Variants in PIBF1 observed in about 807,000 individuals in gnomAD.
PIBF1 encodes the protein progesterone immunomodulatory binding factor 1.
Under a neutral mutation model 112.5 loss-of-function variants are expected in PIBF1, and 90 were observed. The ratio of observed to expected loss-of-function variants is 0.80; its 90% CI spans 0.67 to 0.95. The LOEUF (loss-of-function observed/expected upper bound fraction) is 0.95, where lower values mean the gene tolerates loss of function less well. Among genes scored for constraint, PIBF1 ranks in the 40% least tolerant of loss-of-function variants. The probability of loss-of-function intolerance (pLI) is 0.00; values close to 1 mark genes in which losing one functional copy is unlikely to be tolerated. For missense variants in PIBF1, 915 were observed against 852.3 expected (o/e 1.07, Z -0.92); for synonymous variants, 301 against 288.6 (o/e 1.04, Z -0.44).
chr13:73,015,284 G>C (rs899693265), intron 17 of PIBF1, among the ~76,000 whole-genome samples: 14 of 152,152 alleles, frequency 9.2e-5, no homozygotes, highest in East Asian at 1.9e-4. Flanking sequence ...GAGCCACCGC[G>C]CCCAGCCAAA....
chr13:72,992,442 G>T (rs2139006651), intron 16 of PIBF1, among the ~76,000 whole-genome samples: 1 of 152,272 alleles, frequency 6.6e-6, no homozygotes, highest in East Asian at 1.9e-4. Flanking sequence ...TGAGAAGGGA[G>T]CTTCCTTTCT....
intron 15 of PIBF1, among the ~76,000 whole-genome samples, chr13:72,965,630 C>A (rs2042721185): frequency 6.6e-6 from 1 of 152,212 alleles, no homozygotes; most frequent in South Asian, 2.1e-4. Flanking sequence ...CAATGTTACA[C>A]TTATGAGCAT....
At chr13:72,937,199 A>G (rs1260656955) in intron 14 of PIBF1, among the ~76,000 whole-genome samples, 2 of 151,944 alleles carry the variant, frequency 1.3e-5, no homozygotes, top group Admixed American at 6.6e-5. Context: ...CATCTTGCTA[A>G]TGTTTTCTGT....
rs1000414102 is a variant in PIBF1, at chr13:72,811,891, C to T, written c.673-9958C>T. ...GCTAAAATGAATGCAATTTTAAGTA[C>T]GACATAATTGGGAAGAAGTTTCATT... On this transcript the variant is annotated intron_variant, in intron 5 of 17. Coordinates refer to ENST00000326291, the MANE Select transcript of PIBF1 (RefSeq NM_006346.4). Among the ~76,000 whole-genome samples the T allele has an allele frequency of 2.6e-5, 4 of 152,008 alleles. No individual in the cohort carries two copies. In the East Asian group the frequency reaches 5.8e-4, roughly 22 times the overall value.
chr13:72,869,647 TA>T (rs2039078628), intron 10 of PIBF1, among the ~76,000 whole-genome samples: 1 of 151,552 alleles, frequency 6.6e-6, no homozygotes, highest in Non-Finnish European at 1.5e-5. Flanking sequence ...AATAAAAAAA[TA>T]AAAAATAAAG....
At chr13:72,858,023 T>TTGCTTTGTGTGTGTGTGTGTG (rs71099760) in intron 10 of PIBF1, among the ~76,000 whole-genome samples, 3 of 141,224 alleles carry the variant, frequency 2.1e-5, no homozygotes, top group African/African-American at 8.0e-5. Context: ...CAAATGTACA[T>TTGCTTTGTGTGTGTGTGTGTG]TGTGTGTGTG....
At chr13:72,887,973 G>A (rs983182921) in intron 10 of PIBF1, among the ~76,000 whole-genome samples, 2 of 152,084 alleles carry the variant, frequency 1.3e-5, no homozygotes, top group Admixed American at 6.6e-5. Flanking sequence ...TGCTTTTTCC[G>A]ACCGTGTTGG....
chr13:72,939,044 C>A (rs1268133298), intron 14 of PIBF1, among the ~76,000 whole-genome samples: 1 of 152,070 alleles, frequency 6.6e-6, no homozygotes, highest in Non-Finnish European at 1.5e-5. Context: ...TGTAAGAGTT[C>A]TTTATATATT....
chr13:72,898,060 G>A (rs961055724), intron 11 of PIBF1, among the ~76,000 whole-genome samples: 7 of 152,082 alleles, frequency 4.6e-5, no homozygotes, highest in African/African-American at 1.7e-4. Context: ...CATCTGATAG[G>A]CCATAAAATG....
chr13:72,834,110 A>G (rs2037245044), intron 8 of PIBF1, among the ~76,000 whole-genome samples: 1 of 152,222 alleles, frequency 6.6e-6, no homozygotes, highest in African/African-American at 2.4e-5. Context: ...GTATCTCTAT[A>G]GAAGTATATT....
chr13:72,979,210 A>C (rs1234918780), intron 16 of PIBF1, among the ~76,000 whole-genome samples: 3 of 151,962 alleles, frequency 2.0e-5, no homozygotes, highest in African/African-American at 7.3e-5. Context: ...GAGAAATGTG[A>C]CTCCTTAAAA....
At chr13:72,795,848 G>T (rs565670043) in intron 4 of PIBF1, among the ~76,000 whole-genome samples, 1 of 152,280 alleles carries the variant, frequency 6.6e-6, no homozygotes, top group South Asian at 2.1e-4. Context: ...CAGAGTAGTT[G>T]TTGCCAGGGG....
In PIBF1 at chr13:72,882,763, G is replaced by A. The variant is rs577812285; in HGVS notation, c.1323-11021G>A. 3.5e-4 allele frequency among the ~76,000 whole-genome samples: 54 copies of A among 152,290 alleles called. No homozygotes were observed. In the South Asian group the frequency reaches 0.011, roughly 31 times the overall value. On this transcript the variant is annotated intron_variant, in intron 10 of 17. Coordinates refer to ENST00000326291, the MANE Select transcript of PIBF1 (RefSeq NM_006346.4). ...ACATCGTCTCACCCCAGTTAAAAGG[G>A]CATTTATCCAAAAGACAAGCAATAA...
chr13:72,972,220 G>T (rs1265056860), intron 15 of PIBF1, among the ~76,000 whole-genome samples: 1 of 151,044 alleles, frequency 6.6e-6, no homozygotes, highest in Non-Finnish European at 1.5e-5. Context: ...TTTAAGAGAT[G>T]GGGGTCTCTC....
intron 13 of PIBF1, among the ~76,000 whole-genome samples, chr13:72,928,036 T>TATAC (rs2041583007): frequency 1.5e-5 from 2 of 137,820 alleles, no homozygotes; most frequent in African/African-American, 5.6e-5. Flanking sequence ...CATATATATA[T>TATAC]ATATATATAC....
intron 10 of PIBF1, among the ~76,000 whole-genome samples, chr13:72,863,600 A>G (rs963557561): frequency 2.0e-5 from 3 of 150,372 alleles, no homozygotes; most frequent in Admixed American, 6.6e-5. Context: ...GGAGCTTGCA[A>G]TGAGCAGAGA....
At chr13:72,958,642 G>A (rs1303143015) in intron 14 of PIBF1, among the ~76,000 whole-genome samples, 1 of 152,114 alleles carries the variant, frequency 6.6e-6, no homozygotes. Flanking sequence ...CCTGAGACCT[G>A]CCTGTAATCC....
At chr13:72,867,032 T>C (rs1462236220) in intron 10 of PIBF1, among the ~76,000 whole-genome samples, 1 of 152,206 alleles carries the variant, frequency 6.6e-6, no homozygotes, top group African/African-American at 2.4e-5. Context: ...CATACAGTTA[T>C]TGATATGGTT....
intron 16 of PIBF1, among the ~76,000 whole-genome samples, chr13:72,992,649 A>G (rs1286592757): frequency 6.6e-6 from 1 of 152,100 alleles, no homozygotes. Context: ...AAGATAAAAA[A>G]ATAAAAAAAT....
Sources: gnomAD v4.1 joint callset for allele counts (sites outside exome capture counted in the v4.1 genomes callset) on GRCh38, gnomAD v4.1.1 for gene constraint, MANE v1.5 for transcripts, NCBI Gene and HGNC (gene_info 2026-07-23, HGNC 2026-07-21) for gene names.